Variants in MTIF2 observed in about 807,000 individuals in gnomAD.
The protein encoded by MTIF2 is mitochondrial translational initiation factor 2.
Under a neutral mutation model 83.5 loss-of-function variants are expected in MTIF2, and 71 were observed. That is an observed-to-expected ratio of 0.85 (90% CI 0.70 to 1.04). MTIF2 has a LOEUF of 1.04. Among genes scored for constraint, MTIF2 ranks in the 50% least tolerant of loss-of-function variants. The pLI, the probability that MTIF2 is intolerant of heterozygous loss-of-function variation, is 0.00. For synonymous variants in MTIF2, 319 were observed against 287.1 expected (o/e 1.11, Z -1.12); for missense variants, 957 against 846.5 (o/e 1.13, Z -1.62).
chr2:55,254,293 A>T, intron 6 of MTIF2, 92 bp from the exon 7 acceptor site: 1 of 1,383,360 alleles, frequency 7.2e-7, no homozygotes. Context: ...GTGAACTACC[A>T]TTAACAATAA....
At position 55,243,072 on chromosome 2, in the gene MTIF2, C is replaced by T. The variant is rs748542786; in HGVS notation, c.1573G>A (p.Asp525Asn). ...TTCAAAATGGCCTCAACAGAACCAT[C>T]AACATCACCTAAATACAGAAAAAGT... is the stretch of plus-strand genomic sequence containing the variant. ...VLSVIIKGDV[D>N]GSVEAILNII... The change falls in exon 13 of 16, where the codon GAT (aspartate) becomes AAT (asparagine). Residue 525 changes from aspartate to asparagine, a missense_variant. This residue lies in a region of MTIF2 where 733 missense variants were observed against 648.7 expected (regional missense o/e 1.13). Transcript: ENST00000263629. 6.2e-7 allele frequency: 1 copy of T among 1,600,546 alleles called. No individual in the cohort carries two copies. Among genetic ancestry groups the T allele is most frequent in the Non-Finnish European group, 8.5e-7 (1 of 1,176,130 alleles).
At position 55,243,047 on chromosome 2, in the gene MTIF2, T is replaced by C; in HGVS notation, c.1598A>G (p.Asn533Ser). 6.2e-7 allele frequency: 1 copy of C among 1,610,926 alleles called. No individual in the cohort carries two copies. Among genetic ancestry groups the C allele is most frequent in the Non-Finnish European group, 8.5e-7 (1 of 1,179,148 alleles). The change falls in exon 13 of 16, where the codon AAC becomes AGC. Residue 533 changes from asparagine (N) to serine (S), a missense_variant. By Grantham distance (46) the Asn-to-Ser change is conservative (BLOSUM62 1). Around this residue, in one of 3 missense-constraint regions of MTIF2, gnomAD observed 733 missense variants for 648.7 expected, o/e 1.13. Coordinates refer to ENST00000263629, the MANE Select transcript of MTIF2 (RefSeq NM_002453.3). ...TGAAGCATCATAGGTATCTATAATGTTCAAAATGGCCTCAACAGAACCATC... is the reference window on the plus strand; with the variant it reads ...TGAAGCATCATAGGTATCTATAATGCTCAAAATGGCCTCAACAGAACCATC... The part of the protein sequence containing the change: ...DVDGSVEAIL[N>S]IIDTYDASHE...
chr2:55,259,130 C>G (rs1409620366), intron 5 of MTIF2, among the ~76,000 whole-genome samples: 1 of 152,094 alleles, frequency 6.6e-6, no homozygotes, highest in Non-Finnish European at 1.5e-5. Context: ...ATGGTATTAA[C>G]ATACTATTTT....
Position 55,254,916 on chromosome 2 carries a change from T to A in MTIF2, c.332-91A>T, listed in dbSNP as rs1677395358. The A allele has an allele frequency of 4.2e-5, 27 of 642,440 alleles. No homozygotes were observed. The East Asian group carries it at 9.3e-4, about 22-fold the overall frequency. The allele number at this position is 642,440 out of a possible 1,614,324, so 39.8% of individuals were successfully genotyped here. ...ATAAATGTCTATATAAACAGTACAC[T>A]CAATGAGAGGAATAACTATGCAAAC... On this transcript the variant is annotated intron_variant, in intron 5 of 15. Transcript: ENST00000263629.
chr2:55,254,060 C>G lies in MTIF2; in HGVS notation c.645G>C (p.Gln215His). ...TCATACCAAGAAAGGCACCAATGTG[C>G]TGAGTGATGCCTCCAGTTTCCACTG... ...VAAVETGGIT[Q>H]HIGAFLVSLP... Residue 215 changes from glutamine (Q) to histidine (H), a missense_variant, in exon 7 of 16, where the codon CAG becomes CAC. Physicochemically the swap from Gln to His is conservative, Grantham distance 24. Transcript: ENST00000263629. The G allele has an allele frequency of 5.0e-6, 8 of 1,614,158 alleles. No homozygotes were observed. The highest frequency in any genetic ancestry group is 6.8e-6 in the Non-Finnish European group (8 of 1,180,006).
At chr2:55,265,842 G>A (rs949416230) in intron 3 of MTIF2, among the ~76,000 whole-genome samples, 4 of 152,062 alleles carry the variant, frequency 2.6e-5, no homozygotes, top group Admixed American at 2.0e-4. Flanking sequence ...ATTGTGGATC[G>A]AAAATTTTTT....
At chr2:55,255,373 CTA>C (rs889917077) in intron 5 of MTIF2, among the ~76,000 whole-genome samples, 1 of 145,674 alleles carries the variant, frequency 6.9e-6, no homozygotes, top group Non-Finnish European at 1.5e-5. Flanking sequence ...TTTAAAGATA[CTA>C]TATATATATT....
rs774638539 is a variant in MTIF2 at position 55,243,686 on chromosome 2, G to A, written c.1312-18C>T. On this transcript the variant is annotated intron_variant, in intron 11 of 15. Coordinates refer to ENST00000263629, the MANE Select transcript of MTIF2 (RefSeq NM_002453.3). ...GCCCTTGGCTTTATAGGGGAAAAAC[G>A]TATTATTTAATGAAATAGACATCAA... 1.8e-5 allele frequency: 29 copies of A among 1,605,516 alleles called. No homozygotes were observed. The highest frequency in any genetic ancestry group is 3.4e-5 in the South Asian group (3 of 89,308).
At chr2:55,255,279 G>A (rs1488256791) in intron 5 of MTIF2, among the ~76,000 whole-genome samples, 1 of 150,418 alleles carries the variant, frequency 6.6e-6, no homozygotes, top group Non-Finnish European at 1.5e-5. Flanking sequence ...CTGTTCTGAG[G>A]GGAAATATAG....
intron 9 of MTIF2, among the ~76,000 whole-genome samples, chr2:55,248,026 G>A (rs956614851): frequency 3.9e-5 from 6 of 152,110 alleles, no homozygotes; most frequent in Non-Finnish European, 7.4e-5. Context: ...CAATAGCTAG[G>A]ACGACAGGCA....
At chr2:55,244,299 T>C (rs965781061) in intron 10 of MTIF2, 66 bp from the exon 11 acceptor site, 3 of 1,218,458 alleles carry the variant, frequency 2.5e-6, no homozygotes, top group East Asian at 2.5e-5. Context: ...AAGATATCTT[T>C]ATGAAGTTTA....
At chr2:55,261,832 GGAGGCT>G (rs1348227467) in intron 5 of MTIF2, among the ~76,000 whole-genome samples, 1 of 151,258 alleles carries the variant, frequency 6.6e-6, no homozygotes, top group Admixed American at 6.6e-5. Context: ...CAGCTACTCA[GGAGGCT>G]GAGGCTGAAC....
intron 8 of MTIF2, among the ~76,000 whole-genome samples, chr2:55,251,672 G>A (rs1677103683): frequency 6.6e-6 from 1 of 152,198 alleles, no homozygotes; most frequent in South Asian, 2.1e-4. Flanking sequence ...TGCCCAGGCT[G>A]GAGTGCAATG....
chr2:55,238,885 C>A (rs1186919045), intron 14 of MTIF2, among the ~76,000 whole-genome samples: 2 of 152,188 alleles, frequency 1.3e-5, no homozygotes, highest in Non-Finnish European at 2.9e-5. Context: ...ACATAAAAAT[C>A]TCTGTACGAT....
chr2:55,257,822 G>T (rs894282597), intron 5 of MTIF2, among the ~76,000 whole-genome samples: 3 of 152,150 alleles, frequency 2.0e-5, no homozygotes, highest in African/African-American at 7.2e-5. Flanking sequence ...CTGAGGCAGG[G>T]TCTCAGTCTG....
At chr2:55,243,136 A>G (rs1405089520) in intron 12 of MTIF2, 56 bp from the exon 13 acceptor site, 4 of 1,494,810 alleles carry the variant, frequency 2.7e-6, no homozygotes, top group Non-Finnish European at 3.6e-6. Context: ...ATCAGCAGAC[A>G]TAAAAATGAC....
At position 55,263,362 on chromosome 2, in the gene MTIF2, T is replaced by C. The variant is rs75949621; in HGVS notation, c.219+278A>G. Reference sequence around the variant, plus strand: ...ACTTTATTGCATTAAGTAATAAATATTCTGTAAATGATAAATTACTCAAAA... The same window carrying C: ...ACTTTATTGCATTAAGTAATAAATACTCTGTAAATGATAAATTACTCAAAA... On this transcript the variant is annotated intron_variant, in intron 4 of 15. Coordinates refer to ENST00000263629, the MANE Select transcript of MTIF2 (RefSeq NM_002453.3). Among the ~76,000 whole-genome samples, 11 of 152,342 alleles carry C rather than the reference T, an allele frequency of 7.2e-5. No homozygotes were observed. The East Asian group carries it at 1.9e-3, about 27-fold the overall frequency.
chr2:55,238,366 T>C (rs2104270173), intron 14 of MTIF2, among the ~76,000 whole-genome samples: 1 of 148,172 alleles, frequency 6.7e-6, no homozygotes, highest in African/African-American at 2.5e-5. Flanking sequence ...TTAGAAGTAC[T>C]AATTCTACTA....
rs1029855834 is a variant in MTIF2 at position 55,262,318 on chromosome 2, G to C, written c.329C>G (p.Thr110Arg). 1.2e-6 allele frequency: 2 copies of C among 1,603,004 alleles called. No individual in the cohort carries two copies. Among genetic ancestry groups the C allele is most frequent in the Admixed American group, 1.7e-5 (1 of 59,454 alleles). ...CTTTGTAAAAATATCTGACTCACCT[G>C]TGTTTTTTTCCATTGCCCTGGCCAG... ...EELARAMEKN[T>R]DYVYEALLNT... Residue 110 changes from threonine (T) to arginine (R), a missense_variant and splice_region_variant, in exon 5 of 16, where the codon ACA (threonine) becomes AGA (arginine). Thr to Arg is a moderately conservative substitution (Grantham distance 71). Around this residue, in one of 3 missense-constraint regions of MTIF2, gnomAD observed 733 missense variants for 648.7 expected, o/e 1.13. Transcript: ENST00000263629.
Sources: allele counts gnomAD v4.1 joint callset (sites outside exome capture counted in the v4.1 genomes callset), GRCh38; gene constraint gnomAD v4.1.1; regional missense constraint gnomAD v4.1.1; transcripts MANE v1.5; gene names NCBI Gene and HGNC (gene_info 2026-07-23, HGNC 2026-07-21).